The following UBN1 variants were observed in gnomAD, a reference collection of about 807,000 sequenced individuals.
UBN1 encodes ubinuclein 1.
Under a neutral mutation model 108.5 loss-of-function variants are expected in UBN1, and 17 were observed. That is an observed-to-expected ratio of 0.16 (90% CI 0.11 to 0.24). The LOEUF (loss-of-function observed/expected upper bound fraction) is 0.24, where lower values mean the gene tolerates loss of function less well. Ranked by LOEUF, UBN1 falls within the 10% of genes least tolerant of loss-of-function variation. The pLI, the probability that UBN1 is intolerant of heterozygous loss-of-function variation, is 1.00. For missense variants in UBN1, 1,595 were observed against 1,394.4 expected (o/e 1.14, Z -2.29); for synonymous variants, 726 against 564.2 (o/e 1.29, Z -4.07).
chr16:4,871,431 G>T lies in UBN1; in HGVS notation c.1706+130G>T, dbSNP rs1401877177. 4.6e-6 allele frequency: 6 copies of T among 1,311,656 alleles called. No homozygotes were observed. In the East Asian group the frequency reaches 1.2e-4, roughly 27 times the overall value. The allele number at this position is 1,311,656 out of a possible 1,614,324, so 81.3% of individuals were successfully genotyped here. A position where few individuals can be genotyped will look rare whatever the true frequency, so the allele number is the denominator to read the frequency against. ...AGCTGCCTCAACTCTGATCTCACCTGAGTAACTGGGGGACATGCAGGTAGC... is the reference window on the plus strand; with the variant it reads ...AGCTGCCTCAACTCTGATCTCACCTTAGTAACTGGGGGACATGCAGGTAGC... On this transcript the variant is annotated intron_variant, in intron 12 of 17. Transcript: ENST00000262376.
intron 8 of UBN1, 133 bp downstream of exon 8, chr16:4,869,036 G>A: frequency 2.5e-6 from 2 of 790,396 alleles, no homozygotes; most frequent in South Asian, 2.2e-5. Context: ...AAGAAGAATT[G>A]GATTAACATG....
chr16:4,850,643 G>A (rs539585798), intron 1 of UBN1, among the ~76,000 whole-genome samples: 6 of 152,264 alleles, frequency 3.9e-5, no homozygotes, highest in African/African-American at 7.2e-5. Flanking sequence ...ACTGCTAATC[G>A]TTTTGCCGCC....
chr16:4,880,548 C>G lies in UBN1; in HGVS notation c.*416C>G. The G allele has an allele frequency of 5.3e-6, 1 of 187,870 alleles. No individual in the cohort carries two copies. Among genetic ancestry groups the G allele is most frequent in the Non-Finnish European group, 1.2e-5 (1 of 86,926 alleles). The allele number at this position is 187,870 out of a possible 1,614,324, so 11.6% of individuals were successfully genotyped here. On this transcript the variant is annotated 3_prime_UTR_variant, in exon 18 of 18. Coordinates refer to ENST00000262376, the MANE Select transcript of UBN1 (RefSeq NM_001079514.3). ...ACTGCTCAGGGGCTCCTTCTGGCTG[C>G]AGTAAGCTCCCTGGATGGTCACAGT...
chr16:4,862,331 A>G (rs75746844), intron 7 of UBN1, among the ~76,000 whole-genome samples: 3,320 of 152,332 alleles, frequency 0.022, 67 homozygotes, highest in Non-Finnish European at 0.032. Flanking sequence ...TAAAGTATCT[A>G]TTCAAAGCTC....
At chr16:4,848,649 C>T (rs2086342867) in intron 1 of UBN1, among the ~76,000 whole-genome samples, 1 of 152,086 alleles carries the variant, frequency 6.6e-6, no homozygotes, top group Non-Finnish European at 1.5e-5. Context: ...ATTAGCTGCA[C>T]GGACTGTCAT....
At position 4,853,036 on chromosome 16, in the gene UBN1, C is replaced by A. The variant is rs1328493848; in HGVS notation, c.119C>A (p.Pro40Gln). The A allele has an allele frequency of 1.2e-6, 2 of 1,614,140 alleles. No individual in the cohort carries two copies. The highest frequency in any genetic ancestry group is 1.1e-5 in the South Asian group (1 of 91,086). Residue 40 changes from proline to glutamine, a missense_variant, in exon 2 of 18, where the codon CCG becomes CAG. This residue lies in a region of UBN1 where 181 missense variants were observed against 157.3 expected (regional missense o/e 1.15). Coordinates refer to ENST00000262376, the MANE Select transcript of UBN1 (RefSeq NM_001079514.3). ...GGAGAACAGCATCAGGACTGTGAGC[C>A]GGCTGCAGCAGCTGTTCGGATTACA... ...GAGEQHQDCE[P>Q]AAAAVRITLT...
rs1449566515 is a variant in UBN1 at position 4,880,725 on chromosome 16, C to T, written c.*593C>T. ...TTCTCCTCGGAACATGACAATGAAG[C>T]TCTTTTAGAGAAAAGACCTTTGTAG... On this transcript the variant is annotated 3_prime_UTR_variant, in exon 18 of 18. Transcript: ENST00000262376. 6.5e-6 allele frequency: 1 copy of T among 152,712 alleles called. No individual in the cohort carries two copies. Among genetic ancestry groups the T allele is most frequent in the African/African-American group, 2.4e-5 (1 of 41,438 alleles). The allele number at this position is 152,712 out of a possible 1,614,324, so 9.5% of individuals were successfully genotyped here. A position where few individuals can be genotyped will look rare whatever the true frequency, so the allele number is the denominator to read the frequency against.
intron 15 of UBN1, 34 bp from the exon 16 acceptor site, chr16:4,876,837 G>A: frequency 6.4e-7 from 1 of 1,552,052 alleles, no homozygotes; most frequent in Non-Finnish European, 8.7e-7. Context: ...GAACAGGACT[G>A]GAGTTCTTAC....
At chr16:4,849,982 A>G (rs760963673) in intron 1 of UBN1, among the ~76,000 whole-genome samples, 95 of 151,512 alleles carry the variant, frequency 6.3e-4, no homozygotes, top group Admixed American at 1.1e-3. Flanking sequence ...AAAAAAGCTA[A>G]AATCTTTCCA....
Position 4,874,898 on chromosome 16 carries a change from C to T in UBN1, c.2488C>T (p.Pro830Ser). ...TCCATTTGCCAATAAGCTCCAAGGC[C>T]CAAAGGCTTCTCCCACACAGTGTCA... ...PSPFANKLQG[P>S]KASPTQCHRS... The change falls in exon 15 of 18, where the codon CCA (proline) becomes TCA (serine). Residue 830 changes from proline to serine, a missense_variant. Transcript: ENST00000262376. 6.2e-7 allele frequency: 1 copy of T among 1,614,150 alleles called. No individual in the cohort carries two copies. Among genetic ancestry groups the T allele is most frequent in the East Asian group, 2.2e-5 (1 of 44,878 alleles).
intron 2 of UBN1, 30 bp from the exon 3 acceptor site, chr16:4,857,960 C>A: frequency 6.6e-7 from 1 of 1,518,016 alleles, no homozygotes; most frequent in Non-Finnish European, 9.1e-7. Flanking sequence ...TATTTTCTGA[C>A]TTATTTTTTG....
chr16:4,877,541 TTGCCGC>T lies in UBN1; in HGVS notation c.3355+72_3355+77del. The T allele has an allele frequency of 6.6e-7, 1 of 1,506,262 alleles. No homozygotes were observed. The highest frequency in any genetic ancestry group is 1.3e-5 in the South Asian group (1 of 77,742). 93.3% of individuals were successfully genotyped at this position (1,506,262 alleles called of 1,614,324 possible). Reference sequence around the variant, plus strand: ...TTTGCCCTCTCCACCCCTAGGTGCTTTGCCGCTGCCAAGGGTCTTGGTGTCTTTGCC... The same window carrying T: ...TTTGCCCTCTCCACCCCTAGGTGCTTTGCCAAGGGTCTTGGTGTCTTTGCC... On this transcript the variant is annotated intron_variant, in intron 17 of 17. Coordinates refer to ENST00000262376, the MANE Select transcript of UBN1 (RefSeq NM_001079514.3). This position sits in a 1 kb window ranked among gnomAD's most constrained non-coding sequence, Gnocchi z 4.3.
Position 4,871,799 on chromosome 16 carries a change from G to A in UBN1, c.1706+498G>A, listed in dbSNP as rs538347561. 2.0e-4 allele frequency among the ~76,000 whole-genome samples: 31 copies of A among 152,070 alleles called. No homozygotes were observed. The South Asian group carries it at 4.6e-3, about 22-fold the overall frequency. On this transcript the variant is annotated intron_variant, in intron 12 of 17. Transcript: ENST00000262376. ...AATGGGGTTTCACCGTGTTAGCCAG[G>A]ATGGTCTCAATCTCCTGACCTTGTG...
chr16:4,849,968 C>CAAAAAAAAAAAAAAAAAAA, intron 1 of UBN1, among the ~76,000 whole-genome samples: 1 of 72,514 alleles, frequency 1.4e-5, no homozygotes, highest in Admixed American at 1.4e-4. Context: ...AAAAAAAAAC[C>CAAAAAAAAAAAAAAAAAAA]ACAAAAAAAG....
chr16:4,857,808 TTA>T (rs2086883223), intron 2 of UBN1, among the ~76,000 whole-genome samples, 180 bp from the exon 3 acceptor site: 1 of 152,188 alleles, frequency 6.6e-6, no homozygotes. Flanking sequence ...TTAACCTACA[TTA>T]AGGGAAATTT....
At chr16:4,873,462 A>G (rs1343181043) in intron 14 of UBN1, among the ~76,000 whole-genome samples, 1 of 152,228 alleles carries the variant, frequency 6.6e-6, no homozygotes, top group Non-Finnish European at 1.5e-5. Context: ...TTACTGAGCT[A>G]CCAGGCAGAA....
At chr16:4,879,898 T>C (rs1464768329) in intron 17 of UBN1, among the ~76,000 whole-genome samples, 185 bp from the exon 18 acceptor site, 3 of 152,180 alleles carry the variant, frequency 2.0e-5, no homozygotes, top group Non-Finnish European at 2.9e-5. Context: ...TTGCAGGCTG[T>C]GGCCAGGAGT....
chr16:4,870,429 A>C (rs2087570468), intron 9 of UBN1, 87 bp from the exon 10 acceptor site: 1 of 1,609,578 alleles, frequency 6.2e-7, no homozygotes, highest in East Asian at 2.2e-5. Flanking sequence ...CTGCTGCCCC[A>C]CTGCCTCCTT....
intron 2 of UBN1, among the ~76,000 whole-genome samples, chr16:4,854,559 T>G (rs2086709087): frequency 6.7e-6 from 1 of 150,116 alleles, no homozygotes; most frequent in Non-Finnish European, 1.5e-5. Context: ...GTTTTACCAT[T>G]TTAACCATGT....
Sources: gnomAD v4.1 joint callset for allele counts (sites outside exome capture counted in the v4.1 genomes callset) on GRCh38, gnomAD v4.1.1 for gene constraint, gnomAD v4.1.1 regional missense constraint, Gnocchi (gnomAD v3.1) non-coding constraint, MANE v1.5 for transcripts, NCBI Gene and HGNC (gene_info 2026-07-23, HGNC 2026-07-21) for gene names.